Variants in SCGN observed in about 807,000 individuals in gnomAD.
The protein encoded by SCGN is secretagogin.
SCGN carries 30 observed loss-of-function variants against 39.7 expected under a neutral mutation model. The observed-to-expected ratio is 0.76, with a 90% CI of 0.57 to 1.03. SCGN has a LOEUF of 1.03. SCGN is among the 50% of genes least tolerant of loss of function. The pLI is 0.00. For missense variants in SCGN, 353 were observed against 349.4 expected, an observed-to-expected ratio of 1.01 and a Z score of -0.08; for synonymous variants, 106 against 114.1, an observed-to-expected ratio of 0.93 and a Z score of 0.45.
At chr6:25,660,712 C>T (rs1398931503) in intron 2 of SCGN, among the ~76,000 whole-genome samples, 1 of 152,202 alleles carries the variant, frequency 6.6e-6, no homozygotes, top group Non-Finnish European at 1.5e-5. Context: ...AAGGCTGAGT[C>T]ACCTCCACCC....
At chr6:25,652,791 A>G (rs902609002) in intron 1 of SCGN, among the ~76,000 whole-genome samples, 2 of 152,080 alleles carry the variant, frequency 1.3e-5, no homozygotes, top group Non-Finnish European at 2.9e-5. Context: ...ATATCATTGT[A>G]TATGTTCAAG....
intron 6 of SCGN, among the ~76,000 whole-genome samples, chr6:25,673,513 A>G (rs969336624): frequency 2.0e-5 from 3 of 152,196 alleles, no homozygotes; most frequent in Non-Finnish European, 4.4e-5. Flanking sequence ...GATAGTATGC[A>G]ATATTTTTAG....
rs1263008130 is a variant in SCGN, at chr6:25,691,054, A to G, written c.634-2A>G. 6.2e-7 allele frequency: 1 copy of G among 1,611,854 alleles called. No individual in the cohort carries two copies. The highest frequency in any genetic ancestry group is 1.3e-5 in the African/African-American group (1 of 74,782). On this transcript the variant is annotated splice_acceptor_variant, in intron 9 of 10. Coordinates refer to ENST00000377961, the MANE Select transcript of SCGN (RefSeq NM_006998.4). LOFTEE classifies it high-confidence loss of function. Reference sequence around the variant, plus strand: ...TGGGCAATTGGATCTTTTCTTTTTCAGAGTAAAACAGGAGCCCTGGAAGGC... The same window carrying G: ...TGGGCAATTGGATCTTTTCTTTTTCGGAGTAAAACAGGAGCCCTGGAAGGC...
At position 25,661,659 on chromosome 6, in the gene SCGN, A is replaced by G. The variant is rs2072847; in HGVS notation, c.246+15A>G. ...GGATGAAAGAGGTAACTTTACTGACAGTATTTTTCATGGCTCTACTCTTCT... is the reference window on the plus strand; with the variant it reads ...GGATGAAAGAGGTAACTTTACTGACGGTATTTTTCATGGCTCTACTCTTCT... On this transcript the variant is annotated intron_variant, in intron 3 of 10. Transcript: ENST00000377961. 7.1e-6 allele frequency: 11 copies of G among 1,546,370 alleles called. No homozygotes were observed. The highest frequency in any genetic ancestry group is 1.7e-5 in the Admixed American group (1 of 59,794).
intron 2 of SCGN, among the ~76,000 whole-genome samples, chr6:25,659,500 G>A (rs1355166423): frequency 6.6e-6 from 1 of 152,158 alleles, no homozygotes; most frequent in African/African-American, 2.4e-5. Context: ...TAAAATGAAA[G>A]GGTAGTGTCT....
At chr6:25,678,487 G>A (rs1441667758) in intron 6 of SCGN, among the ~76,000 whole-genome samples, 1 of 152,196 alleles carries the variant, frequency 6.6e-6, no homozygotes, top group Non-Finnish European at 1.5e-5. Context: ...CCCTCATGGA[G>A]TTTGCAGTCT....
At position 25,664,949 on chromosome 6, in the gene SCGN, G is replaced by C; in HGVS notation, c.253G>C (p.Gly85Arg). The stretch of plus-strand genomic sequence containing the variant: ...ATTCTTTCTGTTCCTTCAGCTTGCT[G>C]GTATGTTCTTATCTGAGGATGAAAA... ...DGRIRMKELAGMFLSEDENFL... is the reference protein window; with the variant it reads ...DGRIRMKELARMFLSEDENFL... Residue 85 changes from glycine (G) to arginine (R), a missense_variant, in exon 4 of 11, where the codon GGT (glycine) becomes CGT (arginine). Physicochemically the swap from Gly to Arg is moderately radical, Grantham distance 125. Coordinates refer to ENST00000377961, the MANE Select transcript of SCGN (RefSeq NM_006998.4). The C allele has an allele frequency of 6.2e-7, 1 of 1,613,152 alleles. No homozygotes were observed.
intron 6 of SCGN, among the ~76,000 whole-genome samples, chr6:25,678,453 C>CAAAAA (rs1554117002): frequency 6.6e-6 from 1 of 152,038 alleles, no homozygotes; most frequent in East Asian, 1.9e-4. Flanking sequence ...GGGGGCACAT[C>CAAAAA]ACAAAACAAA....
intron 2 of SCGN, among the ~76,000 whole-genome samples, chr6:25,657,061 G>C (rs1760238863): frequency 6.6e-6 from 1 of 152,108 alleles, no homozygotes; most frequent in Admixed American, 6.5e-5. Context: ...TGCTTTTCCT[G>C]TATGGTACAT....
intron 6 of SCGN, among the ~76,000 whole-genome samples, chr6:25,675,264 T>C (rs187568711): frequency 6.6e-6 from 1 of 152,332 alleles, no homozygotes; most frequent in African/African-American, 2.4e-5. Context: ...AGAATTCTGT[T>C]TTATCTAAGA....
intron 6 of SCGN, among the ~76,000 whole-genome samples, chr6:25,676,967 T>C (rs899147551): frequency 1.3e-5 from 2 of 152,212 alleles, no homozygotes; most frequent in African/African-American, 2.4e-5. Context: ...CTCCTATTTA[T>C]GGCTTTCAAA....
chr6:25,660,808 G>T (rs758980757), intron 2 of SCGN, among the ~76,000 whole-genome samples: 5 of 152,200 alleles, frequency 3.3e-5, no homozygotes, highest in Non-Finnish European at 5.9e-5. Flanking sequence ...TGGGACAAGA[G>T]ACAGCATGAT....
chr6:25,701,222 G>A lies in SCGN; in HGVS notation c.718G>A (p.Val240Met). The change falls in exon 11 of 11, where the codon GTG becomes ATG. Residue 240 changes from valine (V) to methionine (M), a missense_variant. Transcript: ENST00000377961. ...TCGCCCTCAGCCCAGCATCAGCGGGGTGGACCTTGATAAGTTCCGCGAGAT... is the reference window on the plus strand; with the variant it reads ...TCGCCCTCAGCCCAGCATCAGCGGGATGGACCTTGATAAGTTCCGCGAGAT... ...MELVQPSISGVDLDKFREILL... is the reference protein window; with the variant it reads ...MELVQPSISGMDLDKFREILL... The A allele has an allele frequency of 6.2e-7, 1 of 1,612,464 alleles. No homozygotes were observed. Among genetic ancestry groups the A allele is most frequent in the Non-Finnish European group, 8.5e-7 (1 of 1,179,412 alleles).
intron 6 of SCGN, among the ~76,000 whole-genome samples, chr6:25,670,802 G>A (rs1343771333): frequency 1.3e-5 from 2 of 152,138 alleles, no homozygotes; most frequent in Admixed American, 6.5e-5. Flanking sequence ...TGCCTTTGGC[G>A]AACTCATCCT....
At chr6:25,680,065 A>C (rs1361396099) in intron 6 of SCGN, among the ~76,000 whole-genome samples, 1 of 152,126 alleles carries the variant, frequency 6.6e-6, no homozygotes, top group African/African-American at 2.4e-5. Context: ...TTTTTTTTAC[A>C]TTATAAGGAT....
chr6:25,684,058 T>C (rs2151381378), intron 7 of SCGN, among the ~76,000 whole-genome samples: 1 of 152,330 alleles, frequency 6.6e-6, no homozygotes, highest in African/African-American at 2.4e-5. Flanking sequence ...CCTAGCCCTA[T>C]GTACAAAATG....
At position 25,701,395 on chromosome 6, in the gene SCGN, T is replaced by C; in HGVS notation, c.*60T>C. The C allele has an allele frequency of 6.3e-7, 1 of 1,577,556 alleles. No homozygotes were observed. The highest frequency in any genetic ancestry group is 8.6e-7 in the Non-Finnish European group (1 of 1,161,212). ...TTCTGTGATCTTGCTGGTAGAATTG[T>C]ATCTGTGCATTGATGTTGGGAACAC... On this transcript the variant is annotated 3_prime_UTR_variant, in exon 11 of 11. Transcript: ENST00000377961.
rs536280548 is a variant in SCGN, at chr6:25,652,423, C to T, written c.20C>T (p.Pro7Leu). 1.4e-5 allele frequency: 23 copies of T among 1,614,124 alleles called. No homozygotes were observed. The South Asian group carries it at 1.9e-4, about 13-fold the overall frequency. ...AACACCATGGACAGCTCCCGGGAAC[C>T]GACTCTGGGGCGCTTGGACGCCGCT... The part of the protein sequence containing the change: MDSSRE[P>L]TLGRLDAAGF... Residue 7 changes from proline (P) to leucine (L), a missense_variant, in exon 1 of 11, where the codon CCG becomes CTG. By Grantham distance (98) the Pro-to-Leu change is moderately conservative. Transcript: ENST00000377961.
intron 7 of SCGN, among the ~76,000 whole-genome samples, chr6:25,688,621 G>A (rs1035057288): frequency 2.6e-5 from 4 of 152,080 alleles, no homozygotes; most frequent in African/African-American, 7.2e-5. Context: ...CTAACACGGT[G>A]AAACCCCGTC....
Sources: gnomAD v4.1 joint callset for allele counts (sites outside exome capture counted in the v4.1 genomes callset) on GRCh38, gnomAD v4.1.1 for gene constraint, MANE v1.5 for transcripts, NCBI Gene and HGNC (gene_info 2026-07-23, HGNC 2026-07-21) for gene names.